The following ABAT variants were observed in gnomAD, a reference collection of about 807,000 sequenced individuals.
ABAT encodes 4-aminobutyrate aminotransferase, also known as 4-aminobutyrate aminotransferase, mitochondrial.
A neutral mutation model predicts 64.6 loss-of-function variants in ABAT; 45 were observed. That is an observed-to-expected ratio of 0.70 (90% CI 0.55 to 0.89). The LOEUF is 0.89. ABAT is among the 40% of genes least tolerant of loss of function. The probability of loss-of-function intolerance (pLI) is 0.00; values close to 1 mark genes in which losing one functional copy is unlikely to be tolerated. For synonymous variants in ABAT, 297 were observed against 250.5 expected, an observed-to-expected ratio of 1.19 and a Z score of -1.75; for missense variants, 633 against 658.4, an observed-to-expected ratio of 0.96 and a Z score of 0.42.
At chr16:8,777,990 G>T (rs541413602) in intron 14 of ABAT, among the ~76,000 whole-genome samples, 4 of 152,104 alleles carry the variant, frequency 2.6e-5, no homozygotes, top group African/African-American at 9.7e-5. Flanking sequence ...TGTCTAACAC[G>T]GTGCCCGGCT....
chr16:8,678,857 T>C (rs1348689974), intron 1 of ABAT, among the ~76,000 whole-genome samples: 1 of 152,138 alleles, frequency 6.6e-6, no homozygotes, highest in Non-Finnish European at 1.5e-5. Flanking sequence ...AGTCACAGAA[T>C]CAACATAGCC....
chr16:8,743,524 T>A lies in ABAT; in HGVS notation c.71-2477T>A, dbSNP rs867789364. Among the ~76,000 whole-genome samples, 609 of 142,534 alleles carry A rather than the reference T, an allele frequency of 4.3e-3. 2 individuals are homozygous for A. Among genetic ancestry groups the A allele is most frequent in the African/African-American group, 0.015 (586 of 37,978 alleles). 93.5% of individuals were successfully genotyped at this position (142,534 alleles called of 152,430 possible). ...TAATATATATTTTAGTTATAGTATA[T>A]AATATGTATTTTAGTTATAATATAT... On this transcript the variant is annotated intron_variant, in intron 2 of 15. Transcript: ENST00000268251.
chr16:8,704,679 C>T (rs1356029455), intron 1 of ABAT, among the ~76,000 whole-genome samples: 2 of 152,038 alleles, frequency 1.3e-5, no homozygotes, highest in Non-Finnish European at 2.9e-5. Context: ...TACAATTTTA[C>T]ATTCTTTTTT....
rs375002262 is a variant in ABAT, at chr16:8,768,906, G to A, written c.749G>A (p.Arg250Gln). 4.2e-5 allele frequency: 68 copies of A among 1,613,996 alleles called. 2 individuals carry two copies. The highest frequency in any genetic ancestry group is 2.2e-4 in the South Asian group (20 of 91,082). ...GACTGGCCCATCGCACCGTTCCCAC[G>A]GCTGAAATACCCTCTGGAAGAGTTT... ...SFDWPIAPFPRLKYPLEEFVK... is the reference protein window; with the variant it reads ...SFDWPIAPFPQLKYPLEEFVK... The change falls in exon 11 of 16, where the codon CGG (arginine) becomes CAG (glutamine). Residue 250 changes from arginine (R) to glutamine (Q), a missense_variant. By Grantham distance (43) the Arg-to-Gln change is conservative. Coordinates refer to ENST00000268251, the MANE Select transcript of ABAT (RefSeq NM_020686.6).
chr16:8,725,357 A>G (rs1267732027), intron 1 of ABAT, among the ~76,000 whole-genome samples: 2 of 152,132 alleles, frequency 1.3e-5, no homozygotes, highest in East Asian at 3.8e-4. Context: ...CCCCGTACCC[A>G]TTAAGCAGTC....
chr16:8,710,372 T>C (rs2058040113), intron 1 of ABAT, among the ~76,000 whole-genome samples: 1 of 152,128 alleles, frequency 6.6e-6, no homozygotes, highest in African/African-American at 2.4e-5. Flanking sequence ...AGATAGACTT[T>C]TGCATGCCAT....
chr16:8,691,779 T>G (rs2057588955), intron 1 of ABAT, among the ~76,000 whole-genome samples: 1 of 152,166 alleles, frequency 6.6e-6, no homozygotes, highest in Non-Finnish European at 1.5e-5. Flanking sequence ...TGCTTTTGGT[T>G]GTTACAACTG....
chr16:8,777,663 C>G (rs2060306701), intron 14 of ABAT, among the ~76,000 whole-genome samples: 1 of 152,156 alleles, frequency 6.6e-6, no homozygotes, highest in Non-Finnish European at 1.5e-5. Flanking sequence ...GGGCCACACT[C>G]TGTGGGAGAG....
At chr16:8,763,988 G>A (rs985058432) in intron 6 of ABAT, 81 bp from the exon 7 acceptor site, 13 of 1,175,432 alleles carry the variant, frequency 1.1e-5, no homozygotes, top group African/African-American at 1.5e-5. Context: ...TTGAACACAG[G>A]GGCTATGAAA....
Position 8,713,600 on chromosome 16 carries a change from C to T in ABAT, c.-41-22099C>T, listed in dbSNP as rs145520139. ...ACCTTCCCTCCGTCCCTCTCCCTTG[C>T]GCACTTGCCGGGTACCAGCTGAGTG... On this transcript the variant is annotated intron_variant, in intron 1 of 15. Coordinates refer to ENST00000268251, the MANE Select transcript of ABAT (RefSeq NM_020686.6). 6.1e-3 allele frequency: 1,855 copies of T among 302,964 alleles called. 32 individuals are homozygous for T. The highest frequency in any genetic ancestry group is 0.038 in the African/African-American group (1,760 of 45,984). The allele number at this position is 302,964 out of a possible 1,614,324, so 18.8% of individuals were successfully genotyped here. A position where few individuals can be genotyped will look rare whatever the true frequency, so the allele number is the denominator to read the frequency against.
At chr16:8,729,893 G>C (rs1596430687) in intron 1 of ABAT, among the ~76,000 whole-genome samples, 1 of 151,312 alleles carries the variant, frequency 6.6e-6, no homozygotes, top group East Asian at 1.9e-4. Context: ...AGAGTGTCAG[G>C]ACTCTGGCCC....
At chr16:8,704,053 C>G (rs1199601089) in intron 1 of ABAT, among the ~76,000 whole-genome samples, 1 of 152,222 alleles carries the variant, frequency 6.6e-6, no homozygotes, top group Non-Finnish European at 1.5e-5. Context: ...CCAAGCTTTC[C>G]TTTCTTCCAC....
chr16:8,706,927 A>G (rs949799120), intron 1 of ABAT, among the ~76,000 whole-genome samples: 1 of 152,202 alleles, frequency 6.6e-6, no homozygotes, highest in Non-Finnish European at 1.5e-5. Context: ...CGGGGCTGCA[A>G]GAATGGCAGG....
At chr16:8,716,422 C>T (rs947448791) in intron 1 of ABAT, among the ~76,000 whole-genome samples, 1 of 152,134 alleles carries the variant, frequency 6.6e-6, no homozygotes, top group Non-Finnish European at 1.5e-5. Flanking sequence ...GCTGTTGCTG[C>T]TGCTAATTGT....
chr16:8,776,279 G>T lies in ABAT; in HGVS notation c.1123-65G>T. 1 of 1,611,532 alleles carries T rather than the reference G, an allele frequency of 6.2e-7. No individual in the cohort carries two copies. Among genetic ancestry groups the T allele is most frequent in the Non-Finnish European group, 8.5e-7 (1 of 1,178,868 alleles). On this transcript the variant is annotated intron_variant, in intron 13 of 15. Coordinates refer to ENST00000268251, the MANE Select transcript of ABAT (RefSeq NM_020686.6). This position sits in a 1 kb window ranked among gnomAD's most constrained non-coding sequence, Gnocchi z 4.4. ...TTCAAGAGAGGAGGCGGGGCGCCTG[G>T]GGTAAGTGACTCCTGCAGGGTGTGC...
chr16:8,735,799 G>C lies in ABAT; in HGVS notation c.60G>C (p.Leu20=), dbSNP rs768798452. The change falls in exon 2 of 16, where the codon CTG becomes CTC. Residue 20 remains leucine (L), a synonymous_variant. Coordinates refer to ENST00000268251, the MANE Select transcript of ABAT (RefSeq NM_020686.6). The part of the protein sequence containing the change: ...LACSFQHSYR[L]LVPGSRHISQ... ...GCAGCTTCCAGCACAGCTACCGCCT[G>C]CTGGTGCCTGGTAAGCCCCGGGGGT... is the stretch of plus-strand genomic sequence containing the variant. 1.2e-6 allele frequency: 2 copies of C among 1,604,330 alleles called. No individual in the cohort carries two copies. Among genetic ancestry groups the C allele is most frequent in the Non-Finnish European group, 1.7e-6 (2 of 1,175,692 alleles).
chr16:8,682,759 C>G (rs1484819677), intron 1 of ABAT, among the ~76,000 whole-genome samples: 2 of 152,188 alleles, frequency 1.3e-5, no homozygotes, highest in Non-Finnish European at 2.9e-5. Context: ...AGGTGGGACC[C>G]ACTGTATTCT....
At chr16:8,757,194 G>C (rs1235399869) in intron 5 of ABAT, 3 of 433,488 alleles carry the variant, frequency 6.9e-6, no homozygotes, top group African/African-American at 6.2e-5. Context: ...TATTTAAATA[G>C]AGTCTCACTG....
chr16:8,778,427 T>C lies in ABAT; in HGVS notation c.1270-1052T>C, dbSNP rs140320233. Among the ~76,000 whole-genome samples the C allele has an allele frequency of 6.1e-3, 931 of 152,254 alleles. 12 individuals carry two copies. Among genetic ancestry groups the C allele is most frequent in the African/African-American group, 0.021 (875 of 41,566 alleles). ...TCACTCTGCTTCTGGCGTCACTTGG[T>C]GTTCTCCCCACTGTGCCTGTGTCTG... On this transcript the variant is annotated intron_variant, in intron 14 of 15. Coordinates refer to ENST00000268251, the MANE Select transcript of ABAT (RefSeq NM_020686.6).
Sources: gnomAD v4.1 joint callset for allele counts (sites outside exome capture counted in the v4.1 genomes callset) on GRCh38, gnomAD v4.1.1 for gene constraint, Gnocchi (gnomAD v3.1) non-coding constraint, MANE v1.5 for transcripts, NCBI Gene and HGNC (gene_info 2026-07-23, HGNC 2026-07-21) for gene names.